Variants in ZNF701 observed in about 807,000 individuals in gnomAD.
ZNF701 encodes the protein zinc finger protein 701.
In ZNF701, 6 loss-of-function variants were observed where a neutral mutation model predicts 7.1. That is an observed-to-expected ratio of 0.84 (90% CI 0.46 to 1.66). ZNF701 has a LOEUF of 1.66. ZNF701 is among the 40% of genes most tolerant of loss of function. ZNF701 has a pLI of 0.01. For missense variants in ZNF701, 541 were observed against 559.2 expected (o/e 0.97, Z 0.33); for synonymous variants, 166 against 188.2 (o/e 0.88, Z 0.97).
At chr19:52,575,227 C>A (rs555461325) in intron 2 of ZNF701, among the ~76,000 whole-genome samples, 7 of 152,142 alleles carry the variant, frequency 4.6e-5, no homozygotes, top group South Asian at 2.1e-4. Context: ...CCTCAGCCCC[C>A]CAAAGTGCTG....
Position 52,582,950 on chromosome 19 carries a change from T to C in ZNF701, c.891T>C (p.Pro297=). The change falls in exon 4 of 4, where the codon CCT becomes CCC. Residue 297 remains proline (P), a synonymous_variant. Coordinates refer to ENST00000391785, the MANE Select transcript of ZNF701 (RefSeq NM_018260.3). ...VHKAIHTGEK[P]YKCNECGKVF... ...AGGCAATTCATACTGGAGAGAAACC[T>C]TACAAGTGTAATGAATGTGGCAAGG... 1 of 1,614,096 alleles carries C rather than the reference T, an allele frequency of 6.2e-7. No homozygotes were observed. The highest frequency in any genetic ancestry group is 8.5e-7 in the Non-Finnish European group (1 of 1,179,988).
At position 52,585,597 on chromosome 19, in the gene ZNF701, G is replaced by A. The variant is rs1179659724; in HGVS notation, c.*2140G>A. 1 of 151,358 alleles carries A rather than the reference G, an allele frequency of 6.6e-6. No individual in the cohort carries two copies. The highest frequency in any genetic ancestry group is 1.5e-5 in the Non-Finnish European group (1 of 67,892). The allele number at this position is 151,358 out of a possible 1,614,324, so 9.4% of individuals were successfully genotyped here. A position where few individuals can be genotyped will look rare whatever the true frequency, so the allele number is the denominator to read the frequency against. On this transcript the variant is annotated 3_prime_UTR_variant, in exon 4 of 4. Coordinates refer to ENST00000391785, the MANE Select transcript of ZNF701 (RefSeq NM_018260.3). ...CAAAGTAACAAAAGAATGAAGCGGC[G>A]AAAGCAGAAATTTACTCAACCAAGA...
intron 3 of ZNF701, among the ~76,000 whole-genome samples, chr19:52,578,945 A>C (rs2059956706): frequency 6.6e-6 from 1 of 150,464 alleles, no homozygotes; most frequent in Non-Finnish European, 1.5e-5. Flanking sequence ...TTTTTATTAG[A>C]GACAGGGTTT....
intron 1 of ZNF701, chr19:52,572,191 A>G: frequency 3.1e-6 from 1 of 320,124 alleles, no homozygotes; most frequent in South Asian, 2.3e-5. Context: ...AGTAGCTGGA[A>G]TTACAGGCAA....
intron 3 of ZNF701, among the ~76,000 whole-genome samples, chr19:52,581,252 C>T (rs2059973544): frequency 6.6e-6 from 1 of 152,198 alleles, no homozygotes; most frequent in South Asian, 2.1e-4. Flanking sequence ...GGTAGTCTCA[C>T]TCTGCCACTC....
In ZNF701 at chr19:52,582,239, A is replaced by C. The variant is rs753777050; in HGVS notation, c.180A>C (p.Ser60=). Residue 60 remains serine, a synonymous_variant, in exon 4 of 4, where the codon TCA becomes TCC. Coordinates refer to ENST00000391785, the MANE Select transcript of ZNF701 (RefSeq NM_018260.3). ...AATGCATGATGAAGATGTTCTCATCAACAGGACAAGGCAATACAGAAGTGG... is the reference window on the plus strand; with the variant it reads ...AATGCATGATGAAGATGTTCTCATCCACAGGACAAGGCAATACAGAAGTGG... The part of the protein sequence containing the change: ...SSKCMMKMFS[S]TGQGNTEVVH... 5.0e-6 allele frequency: 8 copies of C among 1,592,268 alleles called. No individual in the cohort carries two copies. Among genetic ancestry groups the C allele is most frequent in the African/African-American group, 2.7e-5 (2 of 74,058 alleles).
chr19:52,574,606 A>G (rs937725211), intron 2 of ZNF701, among the ~76,000 whole-genome samples: 6 of 152,240 alleles, frequency 3.9e-5, no homozygotes, highest in African/African-American at 1.4e-4. Context: ...CCCTAATTTT[A>G]TACCACATTT....
At chr19:52,592,022 A>AT, downstream of ZNF701, 1 of 635,170 alleles carries the variant, frequency 1.6e-6, no homozygotes, top group South Asian at 2.1e-5. Flanking sequence ...ATCGATACTT[A>AT]TTTTCTCTTT....
intron 2 of ZNF701, among the ~76,000 whole-genome samples, chr19:52,575,341 C>T (rs182708359): frequency 7.4e-4 from 111 of 150,576 alleles, no homozygotes; most frequent in Admixed American, 1.7e-3. Flanking sequence ...TATATACATA[C>T]ACATACATAT....
intron 3 of ZNF701, among the ~76,000 whole-genome samples, chr19:52,576,563 A>G (rs1192042649): frequency 6.6e-6 from 1 of 151,972 alleles, no homozygotes; most frequent in East Asian, 1.9e-4. Flanking sequence ...ACAAAACCTT[A>G]TGGCAGACTT....
the ZNF701 span, among the ~76,000 whole-genome samples, chr19:52,593,158 A>T: frequency 8.4e-6 from 1 of 118,406 alleles, no homozygotes; most frequent in East Asian, 2.2e-4. Flanking sequence ...GAACAAAATG[A>T]AAAGTCTCCC....
chr19:52,574,533 T>C (rs1476558809), intron 2 of ZNF701, among the ~76,000 whole-genome samples: 2 of 152,186 alleles, frequency 1.3e-5, no homozygotes, highest in Non-Finnish European at 2.9e-5. Context: ...AAGTGACCTA[T>C]TAATGTGCAC....
the ZNF701 span, among the ~76,000 whole-genome samples, chr19:52,592,591 G>A: frequency 6.6e-6 from 1 of 152,058 alleles, no homozygotes; most frequent in East Asian, 1.9e-4. Context: ...GTGGTTTTGT[G>A]TTTTTTGTTT....
intron 3 of ZNF701, among the ~76,000 whole-genome samples, chr19:52,577,485 A>G (rs923253536): frequency 2.4e-5 from 2 of 84,260 alleles, no homozygotes; most frequent in African/African-American, 1.5e-4. Context: ...AGAGATGATC[A>G]TGGACAATTA....
chr19:52,583,831 C>A lies in ZNF701; in HGVS notation c.*374C>A. On this transcript the variant is annotated 3_prime_UTR_variant, in exon 4 of 4. Coordinates refer to ENST00000391785, the MANE Select transcript of ZNF701 (RefSeq NM_018260.3). ...CACAAAGTCTTCAGTAATATTACAG[C>A]CATTGCAAAACATTGGAGAATCCAT... 1 of 551,048 alleles carries A rather than the reference C, an allele frequency of 1.8e-6. No individual in the cohort carries two copies. The highest frequency in any genetic ancestry group is 3.4e-6 in the Non-Finnish European group (1 of 290,248). 34.1% of individuals were successfully genotyped at this position (551,048 alleles called of 1,614,324 possible).
chr19:52,593,339 C>A, the ZNF701 span, among the ~76,000 whole-genome samples: 2 of 117,834 alleles, frequency 1.7e-5, 1 homozygote, highest in African/African-American at 6.6e-5. Context: ...GGGCTCCTCA[C>A]TTCCCAGTAG....
At chr19:52,571,473 G>C (rs757995808) in intron 1 of ZNF701, among the ~76,000 whole-genome samples, 1 of 152,096 alleles carries the variant, frequency 6.6e-6, no homozygotes, top group Non-Finnish European at 1.5e-5. Flanking sequence ...TCGAAGAATT[G>C]GGGAGAAGGA....
chr19:52,596,902 A>C, the ZNF701 span: 1 of 558,392 alleles, frequency 1.8e-6, no homozygotes, highest in South Asian at 1.4e-5. Flanking sequence ...CAGAGAGTTT[A>C]TACTGGAGAG....
chr19:52,595,612 T>C, the ZNF701 span: 1 of 1,116,148 alleles, frequency 9.0e-7, no homozygotes, highest in East Asian at 2.6e-5. Flanking sequence ...CTTTATATTT[T>C]TTAGATAGCT....
Sources: allele counts gnomAD v4.1 joint callset (sites outside exome capture counted in the v4.1 genomes callset), GRCh38; gene constraint gnomAD v4.1.1; transcripts MANE v1.5; gene names NCBI Gene and HGNC (gene_info 2026-07-23, HGNC 2026-07-21).